The following PLCL1 variants were observed in gnomAD, a reference collection of about 807,000 sequenced individuals.
The protein encoded by PLCL1 is phospholipase C like 1 (inactive).
A neutral mutation model predicts 84.4 loss-of-function variants in PLCL1; 41 were observed. The observed-to-expected ratio is 0.49, with a 90% CI of 0.38 to 0.63. PLCL1 has a LOEUF of 0.63. Among genes scored for constraint, PLCL1 ranks in the 30% least tolerant of loss-of-function variants. The probability of loss-of-function intolerance (pLI) is 0.00; values close to 1 mark genes in which losing one functional copy is unlikely to be tolerated. For missense variants in PLCL1, 1,206 were observed against 1,367.8 expected, an observed-to-expected ratio of 0.88 and a Z score of 1.87; for synonymous variants, 490 against 488.3, an observed-to-expected ratio of 1.00 and a Z score of -0.05.
chr2:198,082,986 TTACAAGG>T (rs768403128), intron 1 of PLCL1, among the ~76,000 whole-genome samples: 1 of 152,178 alleles, frequency 6.6e-6, no homozygotes, highest in African/African-American at 2.4e-5. Context: ...GAAATGGCAT[TTACAAGG>T]TGCAAGTGTT....
intron 1 of PLCL1, among the ~76,000 whole-genome samples, chr2:197,821,336 T>C (rs571776364): frequency 6.6e-6 from 1 of 152,232 alleles, no homozygotes; most frequent in Non-Finnish European, 1.5e-5. Context: ...AGTGAAGAGG[T>C]CCACTCTCCA....
intron 1 of PLCL1, among the ~76,000 whole-genome samples, chr2:197,909,976 C>G (rs1688453035): frequency 6.6e-6 from 1 of 152,144 alleles, no homozygotes; most frequent in African/African-American, 2.4e-5. Context: ...GAGAGTGAGG[C>G]AGACTTTGTT....
chr2:197,911,561 G>A (rs926224476), intron 1 of PLCL1, among the ~76,000 whole-genome samples: 4 of 152,120 alleles, frequency 2.6e-5, no homozygotes, highest in Non-Finnish European at 5.9e-5. Flanking sequence ...ACCTTTGGAA[G>A]ATCACCCTTT....
chr2:197,908,403 G>A (rs1428087298), intron 1 of PLCL1, among the ~76,000 whole-genome samples: 2 of 152,168 alleles, frequency 1.3e-5, no homozygotes, highest in East Asian at 3.8e-4. Context: ...ATAGTTTGAA[G>A]GTTCTTCCTT....
rs1008721024 is a variant in PLCL1, at chr2:197,870,858, TG to T, written c.240+65525del. ...TCCTTAGAGCTGAGATTCTTACTAC[TG>T]GGGGGAAAAGAGACCAGGCTGCCCC... is the stretch of plus-strand genomic sequence containing the variant. On this transcript the variant is annotated intron_variant, in intron 1 of 5. Transcript: ENST00000428675. 1.9e-3 allele frequency among the ~76,000 whole-genome samples: 289 copies of T among 152,106 alleles called. 1 individual carries two copies. The highest frequency in any genetic ancestry group is 2.8e-3 in the Non-Finnish European group (191 of 67,976).
At chr2:197,813,939 C>G (rs1372706412) in intron 1 of PLCL1, among the ~76,000 whole-genome samples, 1 of 152,154 alleles carries the variant, frequency 6.6e-6, no homozygotes, top group Non-Finnish European at 1.5e-5. Flanking sequence ...ATCTTAAACA[C>G]TAAGTTCAGC....
intron 1 of PLCL1, among the ~76,000 whole-genome samples, chr2:198,038,174 A>T (rs2105856267): frequency 6.6e-6 from 1 of 152,296 alleles, no homozygotes; most frequent in Admixed American, 6.5e-5. Flanking sequence ...AGAGAGAGAG[A>T]ATTAAAGAGA....
intron 5 of PLCL1, 135 bp from the exon 6 acceptor site, chr2:198,146,645 C>A (rs2105950383): frequency 1.5e-6 from 1 of 653,154 alleles, no homozygotes; most frequent in Admixed American, 3.2e-5. Flanking sequence ...TGGGTTAAAC[C>A]CTGGAAAAGT....
At chr2:197,916,807 T>C (rs1330318233) in intron 1 of PLCL1, among the ~76,000 whole-genome samples, 5 of 152,146 alleles carry the variant, frequency 3.3e-5, no homozygotes, top group Non-Finnish European at 7.4e-5. Context: ...GCAAAAGAAC[T>C]GAACAGATAC....
chr2:198,001,629 T>C (rs997315307), intron 1 of PLCL1, among the ~76,000 whole-genome samples: 11 of 152,154 alleles, frequency 7.2e-5, no homozygotes, highest in Admixed American at 5.9e-4. Context: ...ATTTTTTTTC[T>C]GTGTAGTTGT....
At chr2:198,105,779 A>G (rs13416439) in intron 5 of PLCL1, among the ~76,000 whole-genome samples, 6,467 of 151,870 alleles carry the variant, frequency 0.043, 378 homozygotes, top group African/African-American at 0.13. Context: ...GCCATTGAGG[A>G]TTTTTATTTT....
intron 1 of PLCL1, among the ~76,000 whole-genome samples, chr2:197,915,155 G>C (rs756835840): frequency 2.0e-5 from 3 of 152,176 alleles, no homozygotes; most frequent in Non-Finnish European, 4.4e-5. Context: ...ACTTCCAGAT[G>C]AGATTAGAGC....
intron 1 of PLCL1, among the ~76,000 whole-genome samples, chr2:198,064,317 A>G (rs1692275118): frequency 2.0e-5 from 3 of 152,156 alleles, no homozygotes; most frequent in Non-Finnish European, 2.9e-5. Flanking sequence ...AGATTTACTG[A>G]CTAGGTTACT....
intron 5 of PLCL1, among the ~76,000 whole-genome samples, chr2:198,124,923 A>C (rs73063038): frequency 0.019 from 2,922 of 152,294 alleles, 37 homozygotes; most frequent in African/African-American, 0.031. Context: ...TAAGTAATAC[A>C]AAATAATTAC....
chr2:198,069,125 A>G (rs1692404248), intron 1 of PLCL1, among the ~76,000 whole-genome samples: 1 of 151,994 alleles, frequency 6.6e-6, no homozygotes, highest in Admixed American at 6.5e-5. Context: ...GATTTTGTAA[A>G]CTTCTCTCAG....
chr2:197,891,716 G>A (rs552524865), intron 1 of PLCL1, among the ~76,000 whole-genome samples: 3 of 151,782 alleles, frequency 2.0e-5, no homozygotes, highest in Non-Finnish European at 4.4e-5. Flanking sequence ...ATACATTTTT[G>A]TTTTGCTGGT....
At chr2:197,837,078 CTGAAAGAATT>C (rs1426750914) in intron 1 of PLCL1, among the ~76,000 whole-genome samples, 1 of 152,058 alleles carries the variant, frequency 6.6e-6, no homozygotes, top group African/African-American at 2.4e-5. Flanking sequence ...GATTTCTTCC[CTGAAAGAATT>C]TAGAGTCTCC....
chr2:198,130,154 C>G lies in PLCL1; in HGVS notation c.3106-16626C>G, dbSNP rs561085452. 2.6e-5 allele frequency among the ~76,000 whole-genome samples: 4 copies of G among 152,112 alleles called. No homozygotes were observed. The East Asian group carries it at 7.8e-4, about 29-fold the overall frequency. On this transcript the variant is annotated intron_variant, in intron 5 of 5. Transcript: ENST00000428675. The stretch of plus-strand genomic sequence containing the variant: ...GGACTACATGCACATGCCACCACAC[C>G]CTGCTAATTTTATGTTTTGTAGAGA...
intron 1 of PLCL1, among the ~76,000 whole-genome samples, chr2:198,035,564 C>T (rs1583792): frequency 0.49 from 74,694 of 152,046 alleles, 18,791 homozygotes; most frequent in Middle Eastern, 0.65. Flanking sequence ...AAAGGACACA[C>T]GAGCCAGCTC....
Sources: allele counts gnomAD v4.1 joint callset (sites outside exome capture counted in the v4.1 genomes callset), GRCh38; gene constraint gnomAD v4.1.1; transcripts MANE v1.5; gene names NCBI Gene and HGNC (gene_info 2026-07-23, HGNC 2026-07-21).